The following KCNK12 variants were observed in gnomAD, a reference collection of about 807,000 sequenced individuals.
KCNK12 encodes potassium channel subfamily K member 12.
KCNK12 carries 6 observed loss-of-function variants against 25.3 expected under a neutral mutation model. The observed-to-expected ratio is 0.24, with a 90% confidence interval of 0.13 to 0.47. KCNK12 has a LOEUF of 0.47. Ranked by LOEUF, KCNK12 falls within the 20% of genes least tolerant of loss-of-function variation. The pLI, the probability that KCNK12 is intolerant of heterozygous loss-of-function variation, is 0.99. For missense variants in KCNK12, 444 were observed against 661.7 expected, an observed-to-expected ratio of 0.67 and a Z score of 3.61; for synonymous variants, 331 against 311.1, an observed-to-expected ratio of 1.06 and a Z score of -0.67.
rs1223952062 is a variant in KCNK12, at chr2:47,533,574, C to T, written c.392-11766G>A. Among the ~76,000 whole-genome samples, 1 of 152,228 alleles carries T rather than the reference C, an allele frequency of 6.6e-6. No individual in the cohort carries two copies. Among genetic ancestry groups the T allele is most frequent in the Non-Finnish European group, 1.5e-5 (1 of 68,036 alleles). ...CAGTCAAGCCTGGCTCTACCATTGGCTCGCCGTTCTCCTACCTCGCTGGGC... is the reference window on the plus strand; with the variant it reads ...CAGTCAAGCCTGGCTCTACCATTGGTTCGCCGTTCTCCTACCTCGCTGGGC... On this transcript the variant is annotated intron_variant, in intron 1 of 1. Coordinates refer to ENST00000327876, the MANE Select transcript of KCNK12 (RefSeq NM_022055.2). This position sits in a 1 kb window ranked among gnomAD's most constrained non-coding sequence, Gnocchi z 4.7.
chr2:47,530,751 G>A (rs912306819), intron 1 of KCNK12, among the ~76,000 whole-genome samples: 2 of 152,098 alleles, frequency 1.3e-5, no homozygotes, highest in Non-Finnish European at 2.9e-5. Flanking sequence ...CTAATGGTAC[G>A]TACCATGATG....
rs547827247 is a variant in KCNK12 at position 47,552,445 on chromosome 2, C to T, written c.391+17496G>A. Among the ~76,000 whole-genome samples, 272 of 152,256 alleles carry T rather than the reference C, an allele frequency of 1.8e-3. 2 individuals are homozygous for T. Among genetic ancestry groups the T allele is most frequent in the African/African-American group, 6.3e-3 (263 of 41,558 alleles). On this transcript the variant is annotated intron_variant, in intron 1 of 1. Transcript: ENST00000327876. ...TGCCTTCCCCCCATTATGAGACATG[C>T]CCACAAATCTCCAGATGCATTGTTA...
At position 47,557,949 on chromosome 2, in the gene KCNK12, T is replaced by C. The variant is rs1669583427; in HGVS notation, c.391+11992A>G. ...AAGTTACATCTCTCTTTAAATATAA[T>C]GGGGTATGTTGCTGCTTACAGGAGC... On this transcript the variant is annotated intron_variant, in intron 1 of 1. Coordinates refer to ENST00000327876, the MANE Select transcript of KCNK12 (RefSeq NM_022055.2). The surrounding 1 kb of genome is among the most constrained non-coding windows in gnomAD (Gnocchi z 4.9). Among the ~76,000 whole-genome samples the C allele has an allele frequency of 6.6e-6, 1 of 152,178 alleles. No individual in the cohort carries two copies. The highest frequency in any genetic ancestry group is 1.5e-5 in the Non-Finnish European group (1 of 68,026).
In KCNK12 at chr2:47,570,058, C is replaced by T; in HGVS notation, c.274G>A (p.Ala92Thr). The T allele has an allele frequency of 7.1e-7, 1 of 1,412,132 alleles. No individual in the cohort carries two copies. Among genetic ancestry groups the T allele is most frequent in the South Asian group, 1.5e-5 (1 of 65,882 alleles). 87.5% of individuals were successfully genotyped at this position (1,412,132 alleles called of 1,614,324 possible). ...GCGGCCTCGTAGTGCCGGAGGAAGG[C>T]GCGCAGCTCTGGCTCGGCCACGCCG... ...AHGVAEPELR[A>T]FLRHYEAALA... Residue 92 changes from alanine to threonine, a missense_variant, in exon 1 of 2, where the codon GCC becomes ACC. This residue lies in a region of KCNK12 where 106 missense variants were observed against 142.2 expected (regional missense o/e 0.75). Transcript: ENST00000327876.
At position 47,518,780 on chromosome 2, in the gene KCNK12, A is replaced by G. The variant is rs1668581771; in HGVS notation, c.*2127T>C. The G allele has an allele frequency of 6.6e-6, 1 of 152,242 alleles. No homozygotes were observed. The highest frequency in any genetic ancestry group is 1.5e-5 in the Non-Finnish European group (1 of 68,066). The allele number at this position is 152,242 out of a possible 1,614,324, so 9.4% of individuals were successfully genotyped here. A position where few individuals can be genotyped will look rare whatever the true frequency, so the allele number is the denominator to read the frequency against. ...TCCTCACTGTCTAGATGCCTCTATC[A>G]TGGGGATCTCTTCTTCCCTCTCTGG... is the stretch of plus-strand genomic sequence containing the variant. On this transcript the variant is annotated 3_prime_UTR_variant, in exon 2 of 2. Transcript: ENST00000327876. This position sits in a 1 kb window ranked among gnomAD's most constrained non-coding sequence, Gnocchi z 4.1.
Position 47,551,074 on chromosome 2 carries a change from G to C in KCNK12, c.391+18867C>G, listed in dbSNP as rs1012038405. Among the ~76,000 whole-genome samples, 1 of 152,078 alleles carries C rather than the reference G, an allele frequency of 6.6e-6. No individual in the cohort carries two copies. Among genetic ancestry groups the C allele is most frequent in the Non-Finnish European group, 1.5e-5 (1 of 68,014 alleles). On this transcript the variant is annotated intron_variant, in intron 1 of 1. Coordinates refer to ENST00000327876, the MANE Select transcript of KCNK12 (RefSeq NM_022055.2). This position sits in a 1 kb window ranked among gnomAD's most constrained non-coding sequence, Gnocchi z 5.3. ...CCCGTGGCTCCCCATTTCACTCAGA[G>C]TAAAACCCAAAGGTCTTGCCGTGGC...
chr2:47,569,588 C>G lies in KCNK12; in HGVS notation c.391+353G>C, dbSNP rs1190982535. 6.6e-6 allele frequency among the ~76,000 whole-genome samples: 1 copy of G among 152,080 alleles called. No individual in the cohort carries two copies. Among genetic ancestry groups the G allele is most frequent in the African/African-American group, 2.4e-5 (1 of 41,418 alleles). On this transcript the variant is annotated intron_variant, in intron 1 of 1. Transcript: ENST00000327876. The surrounding 1 kb of genome is among the most constrained non-coding windows in gnomAD (Gnocchi z 4.1). ...TTTTGAGATCATCCTGGAGAGGAAA[C>G]TGAGGCCTGGGGGTTGTGGGTGGAA...
rs963655738 is a variant in KCNK12 at position 47,514,156 on chromosome 2, G to A, written c.*6751C>T. Among the ~76,000 whole-genome samples, 7 of 152,148 alleles carry A rather than the reference G, an allele frequency of 4.6e-5. No homozygotes were observed. The highest frequency in any genetic ancestry group is 1.7e-4 in the African/African-American group (7 of 41,432). On this transcript the variant is annotated 3_prime_UTR_variant, in exon 2 of 2. Coordinates refer to ENST00000327876, the MANE Select transcript of KCNK12 (RefSeq NM_022055.2). The surrounding 1 kb of genome is among the most constrained non-coding windows in gnomAD (Gnocchi z 5.0). ...TGTTCTTCCCACACACTGCTCCTCT[G>A]CCTGGGCCACTCTTCCTGCTCCTTG... is the stretch of plus-strand genomic sequence containing the variant.
rs1201802453 is a variant in KCNK12, at chr2:47,540,991, G to C, written c.392-19183C>G. Among the ~76,000 whole-genome samples, 1 of 152,184 alleles carries C rather than the reference G, an allele frequency of 6.6e-6. No homozygotes were observed. The highest frequency in any genetic ancestry group is 1.5e-5 in the Non-Finnish European group (1 of 68,030). ...CCATCTGTGCAATTCCTTCCTCCTA[G>C]AATTCAGAATCTGAGGTGCTGGTTT... On this transcript the variant is annotated intron_variant, in intron 1 of 1. Transcript: ENST00000327876. This position sits in a 1 kb window ranked among gnomAD's most constrained non-coding sequence, Gnocchi z 5.4.
chr2:47,547,535 C>G lies in KCNK12; in HGVS notation c.391+22406G>C, dbSNP rs1669339149. Among the ~76,000 whole-genome samples, 1 of 152,070 alleles carries G rather than the reference C, an allele frequency of 6.6e-6. No homozygotes were observed. The highest frequency in any genetic ancestry group is 1.5e-5 in the Non-Finnish European group (1 of 68,014). ...CTCACTGCATCCTTGAATTCCTGGC[C>G]TCAAGTGATCCTCCCACCTCAGCTT... On this transcript the variant is annotated intron_variant, in intron 1 of 1. Coordinates refer to ENST00000327876, the MANE Select transcript of KCNK12 (RefSeq NM_022055.2). This position sits in a 1 kb window ranked among gnomAD's most constrained non-coding sequence, Gnocchi z 5.0.
At position 47,510,585 on chromosome 2, in the gene KCNK12, C is replaced by G. The variant is rs1294750260; in HGVS notation, c.*10322G>C. 6.6e-6 allele frequency among the ~76,000 whole-genome samples: 1 copy of G among 152,168 alleles called. No homozygotes were observed. The highest frequency in any genetic ancestry group is 1.9e-4 in the East Asian group (1 of 5,184). On this transcript the variant is annotated 3_prime_UTR_variant, in exon 2 of 2. Transcript: ENST00000327876. The stretch of plus-strand genomic sequence containing the variant: ...GGCTATCTCAACACCCCTACACTCT[C>G]ACCGCACGTATTTGGTCAGCTATGA...
At chr2:47,552,485 C>G (rs984547488) in intron 1 of KCNK12, among the ~76,000 whole-genome samples, 1 of 152,212 alleles carries the variant, frequency 6.6e-6, no homozygotes, top group African/African-American at 2.4e-5. Context: ...CCCTGGGGCC[C>G]TGTAGAGCCT....
intron 1 of KCNK12, among the ~76,000 whole-genome samples, chr2:47,542,192 T>C (rs1669216075): frequency 6.6e-6 from 1 of 152,206 alleles, no homozygotes; most frequent in African/African-American, 2.4e-5. Flanking sequence ...ATCATACCAC[T>C]TCTGTCGAGG....
intron 1 of KCNK12, among the ~76,000 whole-genome samples, chr2:47,526,368 T>A (rs2104747236): frequency 7.0e-6 from 1 of 142,924 alleles, no homozygotes. Context: ...ATTGCGCCAC[T>A]GCACTCCAGC....
Position 47,526,223 on chromosome 2 carries a change from C to T in KCNK12, c.392-4415G>A, listed in dbSNP as rs113275509. 2.6e-3 allele frequency among the ~76,000 whole-genome samples: 382 copies of T among 145,488 alleles called. 1 individual carries two copies. The highest frequency in any genetic ancestry group is 9.2e-3 in the African/African-American group (349 of 38,008). On this transcript the variant is annotated intron_variant, in intron 1 of 1. Coordinates refer to ENST00000327876, the MANE Select transcript of KCNK12 (RefSeq NM_022055.2). ...CAGCCTGACCAATATGCAAAAACCC[C>T]GTCTCTCCTAAAAATACAAAAAAAA...
chr2:47,551,244 C>A lies in KCNK12; in HGVS notation c.391+18697G>T, dbSNP rs1336163147. 1.3e-5 allele frequency among the ~76,000 whole-genome samples: 2 copies of A among 152,138 alleles called. No homozygotes were observed. Among genetic ancestry groups the A allele is most frequent in the East Asian group, 3.9e-4 (2 of 5,180 alleles). On this transcript the variant is annotated intron_variant, in intron 1 of 1. Transcript: ENST00000327876. The surrounding 1 kb of genome is among the most constrained non-coding windows in gnomAD (Gnocchi z 5.3). The stretch of plus-strand genomic sequence containing the variant: ...AACCCTGCAAGCTCCTCCTAAGGGA[C>A]CCTGGCACTGGCTGGAGCCCTCTTC...
Position 47,549,700 on chromosome 2 carries a change from C to G in KCNK12, c.391+20241G>C, listed in dbSNP as rs184506222. On this transcript the variant is annotated intron_variant, in intron 1 of 1. Transcript: ENST00000327876. ...CCTGTAATCCCAGCACTTTGGGAGG[C>G]CAAGATGGGCGGATCACGAGGTCAG... Among the ~76,000 whole-genome samples, 6 of 152,182 alleles carry G rather than the reference C, an allele frequency of 3.9e-5. No individual in the cohort carries two copies. The East Asian group carries it at 1.2e-3, about 29-fold the overall frequency.
chr2:47,525,036 T>G lies in KCNK12; in HGVS notation c.392-3228A>C, dbSNP rs1044561490. 1.3e-5 allele frequency among the ~76,000 whole-genome samples: 2 copies of G among 149,578 alleles called. No individual in the cohort carries two copies. Among genetic ancestry groups the G allele is most frequent in the African/African-American group, 5.1e-5 (2 of 38,842 alleles). Reference sequence around the variant, plus strand: ...CTGGGCCTGGAAAACCAATACTTTGTCTAACTAAGAAAATACTGAATTGGA... The same window carrying G: ...CTGGGCCTGGAAAACCAATACTTTGGCTAACTAAGAAAATACTGAATTGGA... On this transcript the variant is annotated intron_variant, in intron 1 of 1. Transcript: ENST00000327876. This position sits in a 1 kb window ranked among gnomAD's most constrained non-coding sequence, Gnocchi z 4.1.
intron 1 of KCNK12, chr2:47,534,778 A>T: frequency 5.6e-6 from 1 of 178,038 alleles, no homozygotes; most frequent in East Asian, 9.3e-5. Context: ...AGGGAGACAG[A>T]CCAGCCAGGC....
Sources: gnomAD v4.1 joint callset for allele counts (sites outside exome capture counted in the v4.1 genomes callset) on GRCh38, gnomAD v4.1.1 for gene constraint, gnomAD v4.1.1 regional missense constraint, Gnocchi (gnomAD v3.1) non-coding constraint, MANE v1.5 for transcripts, NCBI Gene and HGNC (gene_info 2026-07-23, HGNC 2026-07-21) for gene names.